NCKAP5: variants seen among roughly 807,000 people sequenced by gnomAD.
The protein encoded by NCKAP5 is NCK associated protein 5.
Under a neutral mutation model 167.0 loss-of-function variants are expected in NCKAP5, and 92 were observed. The observed-to-expected ratio is 0.55, with a 90% confidence interval of 0.47 to 0.66. NCKAP5 has a LOEUF of 0.66. Among genes scored for constraint, NCKAP5 ranks in the 30% least tolerant of loss-of-function variants. NCKAP5 has a pLI of 0.00. For missense variants in NCKAP5, 2,378 were observed against 2,315.0 expected, an observed-to-expected ratio of 1.03 and a Z score of -0.56; for synonymous variants, 891 against 877.4, an observed-to-expected ratio of 1.02 and a Z score of -0.27.
At position 132,889,863 on chromosome 2, in the gene NCKAP5, A is replaced by G. The variant is rs542372211; in HGVS notation, c.580-10947T>C. 9.2e-5 allele frequency among the ~76,000 whole-genome samples: 14 copies of G among 152,298 alleles called. 1 individual carries two copies. In the South Asian group the frequency reaches 2.9e-3, roughly 32 times the overall value. ...AAAAAATAAATAAATAAAATAACAA[A>G]CTGATCATATGCAAATGAAACAGGT... On this transcript the variant is annotated intron_variant, in intron 8 of 19. Transcript: ENST00000409261.
At chr2:132,944,696 C>A (rs1442413927) in intron 8 of NCKAP5, among the ~76,000 whole-genome samples, 4 of 152,212 alleles carry the variant, frequency 2.6e-5, no homozygotes, top group Admixed American at 6.5e-5. Context: ...CTTTAATATT[C>A]TCTTCCAGTA....
intron 6 of NCKAP5, among the ~76,000 whole-genome samples, chr2:133,110,365 A>G (rs992882079): frequency 1.3e-5 from 2 of 152,198 alleles, no homozygotes; most frequent in Non-Finnish European, 1.5e-5. Flanking sequence ...CTAATCAGAA[A>G]GGACACTGGC....
At chr2:132,961,579 T>G (rs1255437809) in intron 8 of NCKAP5, among the ~76,000 whole-genome samples, 2 of 152,186 alleles carry the variant, frequency 1.3e-5, no homozygotes, top group Non-Finnish European at 2.9e-5. Context: ...AGATATCATC[T>G]ATTGCATTCA....
chr2:133,323,383 C>A (rs1214021695), intron 3 of NCKAP5, among the ~76,000 whole-genome samples: 2 of 152,088 alleles, frequency 1.3e-5, no homozygotes, highest in African/African-American at 4.8e-5. Context: ...ATTTTTATTC[C>A]AGCTGCTAGC....
At chr2:133,642,440 C>G in the NCKAP5 span, among the ~76,000 whole-genome samples, 2 of 152,150 alleles carry the variant, frequency 1.3e-5, no homozygotes, top group African/African-American at 4.8e-5. Flanking sequence ...AAAGCCTTGT[C>G]TTCAGAATTT....
the NCKAP5 span, among the ~76,000 whole-genome samples, chr2:133,584,892 G>A: frequency 1.3e-5 from 2 of 150,148 alleles, no homozygotes; most frequent in Non-Finnish European, 3.0e-5. Context: ...TTATATTCAG[G>A]ATTTTTGCTA....
At chr2:133,116,383 G>C (rs1277398861) in intron 6 of NCKAP5, among the ~76,000 whole-genome samples, 1 of 122,178 alleles carries the variant, frequency 8.2e-6, no homozygotes, top group Non-Finnish European at 1.6e-5. Flanking sequence ...AGCTACTCGG[G>C]AGGCTGAGGC....
chr2:133,346,613 G>A (rs1374071252), intron 3 of NCKAP5, among the ~76,000 whole-genome samples: 1 of 152,216 alleles, frequency 6.6e-6, no homozygotes, highest in Non-Finnish European at 1.5e-5. Flanking sequence ...CAGGGCTGCG[G>A]GCCCCTCACA....
Position 133,456,941 on chromosome 2 carries a change from C to G in NCKAP5, c.69+60517G>C, listed in dbSNP as rs150763351. ...GGACACGTCATAGGTGTAACAAGAT[C>G]TTTGTATTTCCATTTCTGCACTGTC... is the stretch of plus-strand genomic sequence containing the variant. On this transcript the variant is annotated intron_variant, in intron 3 of 19. Coordinates refer to ENST00000409261, the MANE Select transcript of NCKAP5 (RefSeq NM_207363.3). 3.8e-3 allele frequency among the ~76,000 whole-genome samples: 582 copies of G among 152,262 alleles called. 3 individuals are homozygous for G. The highest frequency in any genetic ancestry group is 0.014 in the African/African-American group (563 of 41,558).
intron 2 of NCKAP5, among the ~76,000 whole-genome samples, chr2:133,546,352 G>A (rs553352705): frequency 3.3e-4 from 51 of 152,330 alleles, no homozygotes; most frequent in African/African-American, 1.1e-3. Context: ...CTTAAAAGGA[G>A]TATTTAGAAG....
At chr2:132,786,138 C>T (rs998977879) in intron 13 of NCKAP5, among the ~76,000 whole-genome samples, 2 of 152,148 alleles carry the variant, frequency 1.3e-5, no homozygotes, top group African/African-American at 2.4e-5. Flanking sequence ...TTAAACTTAC[C>T]TAGCTCTTGA....
intron 8 of NCKAP5, among the ~76,000 whole-genome samples, chr2:132,940,863 A>G (rs545999715): frequency 6.6e-6 from 1 of 151,882 alleles, no homozygotes; most frequent in Non-Finnish European, 1.5e-5. Context: ...CTTCTTTTTC[A>G]TTTATTTGAT....
intron 19 of NCKAP5, among the ~76,000 whole-genome samples, chr2:132,683,388 G>A (rs1685507841): frequency 1.3e-5 from 2 of 152,122 alleles, no homozygotes; most frequent in Non-Finnish European, 2.9e-5. Context: ...TGGTTACTTT[G>A]GCAACAGCAA....
Position 132,714,555 on chromosome 2 carries a change from T to C in NCKAP5, c.5713+11072A>G, listed in dbSNP as rs555161945. On this transcript the variant is annotated intron_variant, in intron 19 of 19. Transcript: ENST00000409261. ...CTTAATGGCCAGGCACAGTGGCTCA[T>C]GCCTGTAATCCCAGCACTTTGGGAA... 6.6e-5 allele frequency among the ~76,000 whole-genome samples: 10 copies of C among 152,246 alleles called. No homozygotes were observed. In the South Asian group the frequency reaches 1.7e-3, roughly 25 times the overall value.
intron 11 of NCKAP5, among the ~76,000 whole-genome samples, chr2:132,841,516 T>C (rs1451386655): frequency 2.0e-5 from 3 of 152,142 alleles, no homozygotes; most frequent in African/African-American, 7.2e-5. Flanking sequence ...TGCCATTTCA[T>C]TTTCACGTCT....
At chr2:132,843,582 T>C (rs1267278623) in intron 11 of NCKAP5, among the ~76,000 whole-genome samples, 4 of 151,490 alleles carry the variant, frequency 2.6e-5, no homozygotes, top group Non-Finnish European at 5.9e-5. Flanking sequence ...TTTGTCACTG[T>C]AAGTTTTTCT....
intron 19 of NCKAP5, among the ~76,000 whole-genome samples, chr2:132,697,978 T>A (rs1325977124): frequency 6.6e-6 from 1 of 152,202 alleles, no homozygotes; most frequent in African/African-American, 2.4e-5. Context: ...CTTTTATGAG[T>A]AAATTGTCAT....
rs771437071 is a variant in NCKAP5 at position 132,785,397 on chromosome 2, G to C, written c.1414C>G (p.Leu472Val). Residue 472 changes from leucine (L) to valine (V), a missense_variant, in exon 14 of 20, where the codon CTA becomes GTA. By Grantham distance (32) the Leu-to-Val change is conservative (BLOSUM62 1). Around this residue, in one of 3 missense-constraint regions of NCKAP5, gnomAD observed 1,049 missense variants for 1,023.4 expected, o/e 1.02. Transcript: ENST00000409261. ...KEPHKTFVYD[L>V]DSHVDADDDP... The stretch of plus-strand genomic sequence containing the variant: ...TCGTCCGCATCAACGTGGGAATCTA[G>C]ATCATAAACAAATGTCTTGTGGGGT... 2.5e-6 allele frequency: 4 copies of C among 1,613,998 alleles called. No homozygotes were observed. The East Asian group carries it at 6.7e-5, about 27-fold the overall frequency.
At chr2:132,881,354 T>C (rs1284163214) in intron 8 of NCKAP5, among the ~76,000 whole-genome samples, 2 of 151,974 alleles carry the variant, frequency 1.3e-5, no homozygotes, top group Admixed American at 1.3e-4. Context: ...TTTGTATTTT[T>C]AGTAGAGATG....
Sources: allele counts gnomAD v4.1 joint callset (sites outside exome capture counted in the v4.1 genomes callset), GRCh38; gene constraint gnomAD v4.1.1; regional missense constraint gnomAD v4.1.1; transcripts MANE v1.5; gene names NCBI Gene and HGNC (gene_info 2026-07-23, HGNC 2026-07-21).